Variants in SLC8A1 observed in about 807,000 individuals in gnomAD.
SLC8A1 encodes solute carrier family 8 member A1.
In SLC8A1, 18 loss-of-function variants were observed where a neutral mutation model predicts 68.3. That is an observed-to-expected ratio of 0.26 (90% CI 0.18 to 0.39). SLC8A1 has a LOEUF of 0.39. Ranked by LOEUF, SLC8A1 falls within the 10% of genes least tolerant of loss-of-function variation. SLC8A1 has a pLI of 1.00. For missense variants in SLC8A1, 985 were observed against 1,156.7 expected (o/e 0.85, Z 2.15); for synonymous variants, 475 against 415.5 (o/e 1.14, Z -1.74).
exon 8 of SLC8A1, chr2:40,102,957 A>C (rs1364474753): frequency 6.6e-6 from 1 of 152,214 alleles, no homozygotes; most frequent in African/African-American, 2.4e-5. Flanking sequence ...CACTGGAATT[A>C]TAACAGAAAT....
At chr2:40,201,639 T>G (rs1474821052) in intron 2 of SLC8A1, among the ~76,000 whole-genome samples, 3 of 151,942 alleles carry the variant, frequency 2.0e-5, no homozygotes, top group Non-Finnish European at 4.4e-5. Flanking sequence ...GAAGAACTTA[T>G]GCTGAAATGA....
intron 2 of SLC8A1, among the ~76,000 whole-genome samples, chr2:40,282,214 G>A (rs758967167): frequency 3.3e-5 from 5 of 151,920 alleles, no homozygotes; most frequent in Non-Finnish European, 7.4e-5. Context: ...AACTAAATCT[G>A]AAAGAAAAAC....
intron 2 of SLC8A1, chr2:40,251,244 C>G (rs753251378): frequency 2.0e-5 from 3 of 152,000 alleles, no homozygotes; most frequent in Non-Finnish European, 4.4e-5. Flanking sequence ...AAAAACCAAA[C>G]CTGCTAGTCA....
rs552248594 is a variant in SLC8A1, at chr2:40,447,176, C to G, written c.-25+4728G>C. Among the ~76,000 whole-genome samples, 12 of 152,286 alleles carry G rather than the reference C, an allele frequency of 7.9e-5. No homozygotes were observed. In the East Asian group the frequency reaches 2.1e-3, roughly 27 times the overall value. The stretch of plus-strand genomic sequence containing the variant: ...ACCATTTGTCTGAATTGGTATCACA[C>G]TAGCATTTTCTAGGTTACGGGCATT... On this transcript the variant is annotated intron_variant, in intron 1 of 7. Coordinates refer to ENST00000406785, the Ensembl canonical transcript of SLC8A1.
intron 1 of SLC8A1, among the ~76,000 whole-genome samples, chr2:40,451,660 C>T (rs910290390): frequency 3.9e-5 from 6 of 151,962 alleles, no homozygotes; most frequent in African/African-American, 1.5e-4. Context: ...CCCTCACGCC[C>T]AGACGCACCA....
At chr2:40,400,261 T>C (rs1688313199) in intron 2 of SLC8A1, among the ~76,000 whole-genome samples, 1 of 152,180 alleles carries the variant, frequency 6.6e-6, no homozygotes, top group Non-Finnish European at 1.5e-5. Flanking sequence ...CTTGTCCTGC[T>C]ACGTAACAAC....
chr2:40,285,561 G>C (rs909271067), intron 2 of SLC8A1, among the ~76,000 whole-genome samples: 5 of 152,150 alleles, frequency 3.3e-5, no homozygotes, highest in African/African-American at 1.2e-4. Context: ...CTATAACAAT[G>C]GTAGAGTGGC....
At chr2:40,377,696 G>C (rs991486177) in intron 2 of SLC8A1, among the ~76,000 whole-genome samples, 1 of 151,932 alleles carries the variant, frequency 6.6e-6, no homozygotes, top group African/African-American at 2.4e-5. Context: ...CTCTAGATAC[G>C]ACATCACCGA....
At chr2:40,464,700 C>T (rs1021000893) in intron 1 of SLC8A1, among the ~76,000 whole-genome samples, 2 of 152,110 alleles carry the variant, frequency 1.3e-5, no homozygotes, top group African/African-American at 4.8e-5. Context: ...GGGGGCATGA[C>T]ATTGGAACTG....
intron 1 of SLC8A1, among the ~76,000 whole-genome samples, chr2:40,507,148 C>T (rs1285007473): frequency 6.6e-6 from 1 of 151,860 alleles, no homozygotes; most frequent in Non-Finnish European, 1.5e-5. Flanking sequence ...TGAAATTTAG[C>T]ACGTATGGGT....
At chr2:40,294,322 T>G (rs2069912999) in intron 2 of SLC8A1, among the ~76,000 whole-genome samples, 1 of 152,132 alleles carries the variant, frequency 6.6e-6, no homozygotes, top group Non-Finnish European at 1.5e-5. Context: ...AAAGCACTTT[T>G]CACATAATAA....
At chr2:40,137,846 T>C (rs140445398) in intron 7 of SLC8A1, among the ~76,000 whole-genome samples, 113 of 152,208 alleles carry the variant, frequency 7.4e-4, no homozygotes, top group African/African-American at 2.6e-3. Flanking sequence ...ATTCCCTTAA[T>C]TGGTTACCAG....
chr2:40,315,022 C>T (rs35639785), intron 2 of SLC8A1, among the ~76,000 whole-genome samples: 35,075 of 151,740 alleles, frequency 0.23, 4,389 homozygotes, highest in East Asian at 0.38. Flanking sequence ...TCCAGTACAA[C>T]GTTGAATAAA....
At chr2:40,225,854 C>T (rs1434593825) in intron 2 of SLC8A1, among the ~76,000 whole-genome samples, 1 of 152,074 alleles carries the variant, frequency 6.6e-6, no homozygotes, top group Admixed American at 6.6e-5. Flanking sequence ...TTGTGAGCTG[C>T]CAGACACAGA....
intron 2 of SLC8A1, among the ~76,000 whole-genome samples, chr2:40,222,062 G>C (rs1197343706): frequency 6.6e-6 from 1 of 151,994 alleles, no homozygotes; most frequent in African/African-American, 2.4e-5. Flanking sequence ...GTGTAGCCAA[G>C]ACAATCCTAA....
In SLC8A1 at chr2:40,216,012, C is replaced by CTTTT. The variant is rs61623694; in HGVS notation, c.1809-38161_1809-38158dup. Among the ~76,000 whole-genome samples the CTTTT allele has an allele frequency of 1.0e-3, 145 of 143,764 alleles. 2 individuals are homozygous for CTTTT. Among genetic ancestry groups the CTTTT allele is most frequent in the Admixed American group, 2.0e-3 (29 of 14,502 alleles). 94.3% of individuals were successfully genotyped at this position (143,764 alleles called of 152,430 possible). A position where few individuals can be genotyped will look rare whatever the true frequency, so the allele number is the denominator to read the frequency against. Reference sequence around the variant, plus strand: ...GACATATAAGCCTTCCCAGTGTATGCTTTTTTTTTTTTACAATTTTTTAAA... The same window carrying CTTTT: ...GACATATAAGCCTTCCCAGTGTATGCTTTTTTTTTTTTTTTTACAATTTTTTAAA... On this transcript the variant is annotated intron_variant, in intron 2 of 7. Transcript: ENST00000406785.
chr2:40,297,515 T>A (rs981655904), intron 2 of SLC8A1, among the ~76,000 whole-genome samples: 2 of 152,144 alleles, frequency 1.3e-5, no homozygotes, highest in East Asian at 3.8e-4. Context: ...CTGGAAAAAA[T>A]TTAAAATGCA....
chr2:40,254,942 T>G (rs2063641545), intron 2 of SLC8A1: 1 of 152,012 alleles, frequency 6.6e-6, no homozygotes, highest in South Asian at 2.1e-4. Flanking sequence ...AGTATAGGAT[T>G]GAGCCCTGTC....
rs78129601 is a variant in SLC8A1, at chr2:40,219,428, G to C, written c.1809-41573C>G. ...TCAAAACAGTTCAAAATATTGTCAA[G>C]ATTTTCTTCAATTTCTCATCAACCT... On this transcript the variant is annotated intron_variant, in intron 2 of 7. Coordinates refer to ENST00000406785, the Ensembl canonical transcript of SLC8A1. Among the ~76,000 whole-genome samples, 145 of 152,278 alleles carry C rather than the reference G, an allele frequency of 9.5e-4. 2 individuals are homozygous for C. In the East Asian group the frequency reaches 0.025, roughly 26 times the overall value.
Sources: allele counts gnomAD v4.1 joint callset (sites outside exome capture counted in the v4.1 genomes callset), GRCh38; gene constraint gnomAD v4.1.1; transcripts MANE v1.5; gene names NCBI Gene and HGNC (gene_info 2026-07-23, HGNC 2026-07-21).